Variants in AGMO observed in about 807,000 individuals in gnomAD.
AGMO encodes the protein glyceryl-ether monooxygenase.
Under a neutral mutation model 60.2 loss-of-function variants are expected in AGMO, and 75 were observed. That is an observed-to-expected ratio of 1.25 (90% confidence interval 1.03 to 1.51). The LOEUF (loss-of-function observed/expected upper bound fraction) is 1.51, where lower values mean the gene tolerates loss of function less well. AGMO is among the 40% of genes most tolerant of loss of function. The pLI is 0.00. For missense variants in AGMO, 763 were observed against 525.5 expected, an observed-to-expected ratio of 1.45 and a Z score of -4.42; for synonymous variants, 261 against 177.1, an observed-to-expected ratio of 1.47 and a Z score of -3.76.
chr7:15,560,262 A>C lies in AGMO; in HGVS notation c.136T>G (p.Phe46Val). The C allele has an allele frequency of 1.2e-6, 2 of 1,611,990 alleles. No homozygotes were observed. Among genetic ancestry groups the C allele is most frequent in the Non-Finnish European group, 1.7e-6 (2 of 1,178,604 alleles). Residue 46 changes from phenylalanine (F) to valine (V), a missense_variant, in exon 2 of 13, where the codon TTT (phenylalanine) becomes GTT (valine). Transcript: ENST00000342526. ...TCAAGCAGCATCAAAGAAATGAAAAATGGAGTTGCCTGGAAAGGAAGTTGC... is the reference window on the plus strand; with the variant it reads ...TCAAGCAGCATCAAAGAAATGAAAACTGGAGTTGCCTGGAAAGGAAGTTGC... Reference protein sequence around the residue: ...VPDYVKKATPFFISLMLLELV... With the variant: ...VPDYVKKATPVFISLMLLELV...
At chr7:15,449,536 A>G (rs1310303288) in intron 3 of AGMO, among the ~76,000 whole-genome samples, 2 of 152,174 alleles carry the variant, frequency 1.3e-5, no homozygotes, top group African/African-American at 2.4e-5. Flanking sequence ...AATTGCCTAC[A>G]TTATTTGGTA....
At chr7:15,499,651 C>A (rs908249874) in intron 3 of AGMO, among the ~76,000 whole-genome samples, 1 of 151,620 alleles carries the variant, frequency 6.6e-6, no homozygotes, top group Admixed American at 6.6e-5. Flanking sequence ...TCCATAATGT[C>A]TTAGATCTAC....
intron 2 of AGMO, among the ~76,000 whole-genome samples, chr7:15,547,501 T>A (rs920334816): frequency 6.6e-6 from 1 of 152,028 alleles, no homozygotes; most frequent in Non-Finnish European, 1.5e-5. Flanking sequence ...ATTGCCTCAC[T>A]CGGGAAGCGC....
At chr7:15,247,451 C>CAGAGAGAGAGAGAG (rs1368429253) in intron 12 of AGMO, among the ~76,000 whole-genome samples, 4 of 119,618 alleles carry the variant, frequency 3.3e-5, no homozygotes, top group Non-Finnish European at 1.7e-5. Context: ...CACACACACA[C>CAGAGAGAGAGAGAG]ACACACACAG....
intron 12 of AGMO, among the ~76,000 whole-genome samples, chr7:15,281,537 G>T (rs182099436): frequency 2.4e-4 from 37 of 152,178 alleles, no homozygotes; most frequent in African/African-American, 7.7e-4. Flanking sequence ...AGTGTGTCTG[G>T]GTCAGGAGTG....
intron 12 of AGMO, among the ~76,000 whole-genome samples, chr7:15,361,413 A>G (rs975373477): frequency 5.3e-5 from 8 of 151,350 alleles, no homozygotes; most frequent in Non-Finnish European, 8.9e-5. Context: ...GGTGGCGGGC[A>G]CCTGTAGTCC....
intron 12 of AGMO, among the ~76,000 whole-genome samples, chr7:15,321,598 T>C (rs1781110829): frequency 6.6e-6 from 1 of 152,144 alleles, no homozygotes; most frequent in Non-Finnish European, 1.5e-5. Flanking sequence ...ATAAGACAAT[T>C]TGCTTAAAGT....
In AGMO at chr7:15,544,796, A is replaced by G; in HGVS notation, c.385T>C (p.Tyr129His). 5.6e-6 allele frequency: 9 copies of G among 1,605,166 alleles called. No individual in the cohort carries two copies. Among genetic ancestry groups the G allele is most frequent in the Non-Finnish European group, 7.7e-6 (9 of 1,176,080 alleles). The change falls in exon 3 of 13, where the codon TAC (tyrosine) becomes CAC (histidine). Residue 129 changes from tyrosine (Y) to histidine (H), a missense_variant. By Grantham distance (83) the Tyr-to-His change is moderately conservative. Coordinates refer to ENST00000342526, the MANE Select transcript of AGMO (RefSeq NM_001004320.2). ...CCATGAGCCATACGATGGAACCAGT[A>G]GTAGCCAAAGTCAACTCCTAAGAAG... ...SAFLGVDFGY[Y>H]WFHRMAHEVN... is the part of the protein sequence containing the mutation.
At chr7:15,489,547 C>T (rs763552955) in intron 3 of AGMO, among the ~76,000 whole-genome samples, 5 of 152,156 alleles carry the variant, frequency 3.3e-5, no homozygotes, top group African/African-American at 1.2e-4. Context: ...GGAGCTCCCA[C>T]TAACAGGGTC....
At chr7:15,184,320 A>G in the AGMO span, among the ~76,000 whole-genome samples, 1 of 109,340 alleles carries the variant, frequency 9.1e-6, no homozygotes, top group Non-Finnish European at 1.8e-5. Context: ...GGAGGGAAGG[A>G]GGGAAGGAGG....
intron 2 of AGMO, among the ~76,000 whole-genome samples, chr7:15,545,141 A>T (rs1784742153): frequency 6.6e-6 from 1 of 152,276 alleles, no homozygotes; most frequent in South Asian, 2.1e-4. Flanking sequence ...GGCATCATGG[A>T]TGCCAGCTGT....
At chr7:15,334,669 C>T (rs765789127) in intron 12 of AGMO, among the ~76,000 whole-genome samples, 9 of 152,110 alleles carry the variant, frequency 5.9e-5, no homozygotes, top group Non-Finnish European at 1.0e-4. Flanking sequence ...GCGGATATCC[C>T]GCCAACAACC....
chr7:15,175,327 C>G, the AGMO span, among the ~76,000 whole-genome samples: 793 of 152,028 alleles, frequency 5.2e-3, 18 homozygotes, highest in Admixed American at 0.037. Flanking sequence ...TCTCTTCTTT[C>G]CAGTTTCACT....
At chr7:15,348,604 C>G (rs1449118999) in intron 12 of AGMO, among the ~76,000 whole-genome samples, 1 of 152,008 alleles carries the variant, frequency 6.6e-6, no homozygotes, top group Non-Finnish European at 1.5e-5. Flanking sequence ...CTTTCCATTT[C>G]TGCTTTGTAA....
At chr7:15,242,797 C>A (rs1782630778) in intron 12 of AGMO, among the ~76,000 whole-genome samples, 1 of 151,820 alleles carries the variant, frequency 6.6e-6, no homozygotes, top group African/African-American at 2.4e-5. Flanking sequence ...ATATGTGAAA[C>A]AATGTCACCT....
At chr7:15,320,154 C>G (rs1032059911) in intron 12 of AGMO, among the ~76,000 whole-genome samples, 1 of 151,792 alleles carries the variant, frequency 6.6e-6, no homozygotes, top group Non-Finnish European at 1.5e-5. Context: ...GGAGATATAC[C>G]TAATGTAAAT....
chr7:15,274,588 A>T (rs1783722940), intron 12 of AGMO, among the ~76,000 whole-genome samples: 1 of 151,968 alleles, frequency 6.6e-6, no homozygotes, highest in Non-Finnish European at 1.5e-5. Context: ...TACTGCTTTT[A>T]TAAAATCAGT....
intron 12 of AGMO, among the ~76,000 whole-genome samples, chr7:15,238,915 G>A (rs1419969832): frequency 2.6e-5 from 4 of 152,062 alleles, no homozygotes; most frequent in Admixed American, 2.0e-4. Flanking sequence ...CCAGGCGCAG[G>A]CGCTATTTAA....
chr7:15,390,615 C>G, intron 8 of AGMO, 56 bp downstream of exon 8: 2 of 1,358,208 alleles, frequency 1.5e-6, no homozygotes, highest in South Asian at 1.4e-5. Flanking sequence ...TTTCTCTTAA[C>G]TATAAGATTT....
Sources: allele counts gnomAD v4.1 joint callset (sites outside exome capture counted in the v4.1 genomes callset), GRCh38; gene constraint gnomAD v4.1.1; transcripts MANE v1.5; gene names NCBI Gene and HGNC (gene_info 2026-07-23, HGNC 2026-07-21).